UGT8: variants seen among roughly 807,000 people sequenced by gnomAD.
UGT8 encodes the protein 2-hydroxyacylsphingosine 1-beta-galactosyltransferase.
In UGT8, 12 loss-of-function variants were observed where a neutral mutation model predicts 40.5. That is an observed-to-expected ratio of 0.30 (90% CI 0.19 to 0.48). The LOEUF (loss-of-function observed/expected upper bound fraction) is 0.48. Ranked by LOEUF, UGT8 falls within the 20% of genes least tolerant of loss-of-function variation. The probability of loss-of-function intolerance (pLI) is 0.99; values close to 1 mark genes in which losing one functional copy is unlikely to be tolerated. For synonymous variants in UGT8, 224 were observed against 240.4 expected (o/e 0.93, Z 0.63); for missense variants, 513 against 648.7 (o/e 0.79, Z 2.27).
At chr4:114,658,015 T>G (rs1734291795) in intron 2 of UGT8, among the ~76,000 whole-genome samples, 1 of 152,222 alleles carries the variant, frequency 6.6e-6, no homozygotes, top group Non-Finnish European at 1.5e-5. Context: ...GTGACCTTTA[T>G]ATTTTCAGTG....
chr4:114,676,564 C>T lies in UGT8; in HGVS notation c.*276C>T, dbSNP rs907009743. 9.7e-6 allele frequency: 3 copies of T among 310,496 alleles called. No homozygotes were observed. The highest frequency in any genetic ancestry group is 1.1e-4 in the South Asian group (2 of 17,592). The allele number at this position is 310,496 out of a possible 1,614,324, so 19.2% of individuals were successfully genotyped here. ...AAATCAATTCAGTGACTGTGTCAGA[C>T]CTTAGTTTTAAATCTTGATATGTGC... On this transcript the variant is annotated 3_prime_UTR_variant, in exon 6 of 6. Transcript: ENST00000310836.
chr4:114,668,349 A>G, intron 5 of UGT8, 45 bp downstream of exon 5: 1 of 1,522,448 alleles, frequency 6.6e-7, no homozygotes, highest in Non-Finnish European at 9.1e-7. Flanking sequence ...TACATACCAC[A>G]GTATATTGTC....
At chr4:114,667,464 T>C (rs1013583489) in intron 4 of UGT8, among the ~76,000 whole-genome samples, 1 of 152,182 alleles carries the variant, frequency 6.6e-6, no homozygotes, top group Admixed American at 6.5e-5. Context: ...CCATAACAAC[T>C]AAATGTTATG....
Position 114,628,873 on chromosome 4 carries a change from T to C in UGT8, c.822+5171T>C, listed in dbSNP as rs117803394. 2.5e-3 allele frequency among the ~76,000 whole-genome samples: 373 copies of C among 150,474 alleles called. 17 individuals carry two copies. The East Asian group carries it at 0.068, about 27-fold the overall frequency. On this transcript the variant is annotated intron_variant, in intron 2 of 5. Coordinates refer to ENST00000310836, the MANE Select transcript of UGT8 (RefSeq NM_001128174.3). Reference sequence around the variant, plus strand: ...GAATGATCTTGGGGACAATGAGAGATTGAGCAACAGAGTTATTAGATTAGC... The same window carrying C: ...GAATGATCTTGGGGACAATGAGAGACTGAGCAACAGAGTTATTAGATTAGC...
chr4:114,665,688 G>T lies in UGT8; in HGVS notation c.974G>T (p.Gly325Val). The change falls in exon 4 of 6, where the codon GGA becomes GTA. Residue 325 changes from glycine to valine, a missense_variant. Gly to Val is a moderately radical substitution (Grantham distance 109). Transcript: ENST00000310836. ...LPQKVIWRFS[G>V]PKPKNLGNNT... is the part of the protein sequence containing the mutation. ...TCTGGTGTACATTTTAGGTTTTCTG[G>T]ACCCAAACCAAAGAATCTAGGAAAC... 1 of 1,604,658 alleles carries T rather than the reference G, an allele frequency of 6.2e-7. No homozygotes were observed. Among genetic ancestry groups the T allele is most frequent in the Non-Finnish European group, 8.5e-7 (1 of 1,176,490 alleles).
At chr4:114,627,383 C>T (rs1732298728) in intron 2 of UGT8, among the ~76,000 whole-genome samples, 1 of 151,554 alleles carries the variant, frequency 6.6e-6, no homozygotes, top group South Asian at 2.1e-4. Flanking sequence ...CTCAGCCTCC[C>T]AGGTAGCTGG....
chr4:114,662,887 A>G (rs1734634517), intron 2 of UGT8, among the ~76,000 whole-genome samples: 1 of 132,666 alleles, frequency 7.5e-6, no homozygotes, highest in Admixed American at 9.1e-5. Context: ...GTGCAGTGGC[A>G]CAGTCTTGGC....
At chr4:114,660,891 A>G (rs1734485515) in intron 2 of UGT8, among the ~76,000 whole-genome samples, 1 of 122,548 alleles carries the variant, frequency 8.2e-6, no homozygotes, top group Non-Finnish European at 1.6e-5. Context: ...ACTCTGTCTC[A>G]AAAAAAAAAA....
chr4:114,619,366 GA>G (rs1731633912), intron 1 of UGT8: 2 of 151,976 alleles, frequency 1.3e-5, no homozygotes, highest in South Asian at 4.1e-4. Flanking sequence ...TTGTTATTGT[GA>G]ATGAAGTATT....
Position 114,620,905 on chromosome 4 carries a change from G to T in UGT8, c.-2-1974G>T, listed in dbSNP as rs150239906. Among the ~76,000 whole-genome samples the T allele has an allele frequency of 6.1e-3, 930 of 152,262 alleles. 12 individuals carry two copies. The highest frequency in any genetic ancestry group is 0.021 in the African/African-American group (888 of 41,560). On this transcript the variant is annotated intron_variant, in intron 1 of 5. Coordinates refer to ENST00000310836, the MANE Select transcript of UGT8 (RefSeq NM_001128174.3). ...TAATGTATTCTAAGGAGTAAAAATA[G>T]ATATCAATTTGGTTATATGTGTGTT...
At chr4:114,606,002 C>T (rs933692129) in intron 1 of UGT8, among the ~76,000 whole-genome samples, 1 of 152,016 alleles carries the variant, frequency 6.6e-6, no homozygotes, top group Non-Finnish European at 1.5e-5. Context: ...ATACAATTTA[C>T]CATAGAAAAA....
chr4:114,633,831 C>G (rs1214890344), intron 2 of UGT8, among the ~76,000 whole-genome samples: 1 of 152,028 alleles, frequency 6.6e-6, no homozygotes, highest in African/African-American at 2.4e-5. Context: ...GTAATCCCAG[C>G]TACTCGGGAG....
chr4:114,606,956 G>A lies in UGT8; in HGVS notation c.-3+7982G>A, dbSNP rs1730770696. 2.6e-5 allele frequency among the ~76,000 whole-genome samples: 4 copies of A among 152,250 alleles called. No individual in the cohort carries two copies. The South Asian group carries it at 6.2e-4, about 24-fold the overall frequency. Reference sequence around the variant, plus strand: ...CCAAAATAGGGAGCGTCTTGCCAGGGCAGGGCTGAAGTTTACTAGGAATAT... The same window carrying A: ...CCAAAATAGGGAGCGTCTTGCCAGGACAGGGCTGAAGTTTACTAGGAATAT... On this transcript the variant is annotated intron_variant, in intron 1 of 5. Coordinates refer to ENST00000310836, the MANE Select transcript of UGT8 (RefSeq NM_001128174.3).
At chr4:114,656,692 T>C (rs1045729084) in intron 2 of UGT8, 6 of 436,516 alleles carry the variant, frequency 1.4e-5, no homozygotes, top group Non-Finnish European at 2.8e-5. Context: ...GGAGATACTT[T>C]GTTGTGATCT....
rs114579211 is a variant in UGT8, at chr4:114,634,463, G to A, written c.822+10761G>A. 8.5e-3 allele frequency among the ~76,000 whole-genome samples: 1,295 copies of A among 152,234 alleles called. 16 individuals are homozygous for A. The highest frequency in any genetic ancestry group is 0.029 in the African/African-American group (1,223 of 41,530). ...AGGAGGAGGGAAGAGGAGTCTCCAA[G>A]AATTCTGAGAAGTCATGACTAGGAA... is the stretch of plus-strand genomic sequence containing the variant. On this transcript the variant is annotated intron_variant, in intron 2 of 5. Coordinates refer to ENST00000310836, the MANE Select transcript of UGT8 (RefSeq NM_001128174.3).
At chr4:114,647,356 TTG>T (rs34575248) in intron 2 of UGT8, among the ~76,000 whole-genome samples, 1,716 of 143,250 alleles carry the variant, frequency 0.012, 33 homozygotes, top group African/African-American at 0.039. Context: ...ATTAGCTCTT[TTG>T]TGTGTGTGTG....
At chr4:114,644,870 A>G (rs1276198946) in intron 2 of UGT8, among the ~76,000 whole-genome samples, 1 of 152,128 alleles carries the variant, frequency 6.6e-6, no homozygotes, top group Non-Finnish European at 1.5e-5. Context: ...CTCTTAAGTT[A>G]TCATTCTTAG....
At chr4:114,622,470 A>G (rs1304892417) in intron 1 of UGT8, 24 of 172,316 alleles carry the variant, frequency 1.4e-4, no homozygotes, top group Middle Eastern at 2.8e-3. Flanking sequence ...GTATATACCC[A>G]GTAATGGGAT....
chr4:114,663,350 CA>C, intron 2 of UGT8, among the ~76,000 whole-genome samples: 1 of 152,032 alleles, frequency 6.6e-6, no homozygotes, highest in Non-Finnish European at 1.5e-5. Flanking sequence ...TAGGAGTCAT[CA>C]ATGCACAGCA....
Sources: gnomAD v4.1 joint callset for allele counts (sites outside exome capture counted in the v4.1 genomes callset) on GRCh38, gnomAD v4.1.1 for gene constraint, MANE v1.5 for transcripts, NCBI Gene and HGNC (gene_info 2026-07-23, HGNC 2026-07-21) for gene names.